Variants in PTPRR observed in about 807,000 individuals in gnomAD.
The protein encoded by PTPRR is protein tyrosine phosphatase receptor type R.
A neutral mutation model predicts 77.2 loss-of-function variants in PTPRR; 38 were observed. The observed-to-expected ratio is 0.49, with a 90% CI of 0.38 to 0.65. The LOEUF (loss-of-function observed/expected upper bound fraction) is 0.65. Ranked by LOEUF, PTPRR falls within the 30% of genes least tolerant of loss-of-function variation. The pLI is 0.00. For synonymous variants in PTPRR, 299 were observed against 283.1 expected, an observed-to-expected ratio of 1.06 and a Z score of -0.57; for missense variants, 744 against 799.2, an observed-to-expected ratio of 0.93 and a Z score of 0.83.
chr12:70,712,843 T>C (rs933495707), intron 6 of PTPRR, among the ~76,000 whole-genome samples: 19 of 152,072 alleles, frequency 1.2e-4, no homozygotes, highest in Admixed American at 3.3e-4. Flanking sequence ...ATATTTATGA[T>C]AGAAAACTAA....
At chr12:70,855,471 A>G (rs113357693) in intron 2 of PTPRR, among the ~76,000 whole-genome samples, 2 of 152,132 alleles carry the variant, frequency 1.3e-5, no homozygotes, top group African/African-American at 4.8e-5. Flanking sequence ...CAAGAGCAGC[A>G]TTGTAGGAAT....
intron 2 of PTPRR, among the ~76,000 whole-genome samples, chr12:70,855,365 C>T (rs1356422149): frequency 6.6e-6 from 1 of 152,106 alleles, no homozygotes; most frequent in Admixed American, 6.6e-5. Context: ...CTGGCAGCTC[C>T]AGCCTCAGCT....
In PTPRR at chr12:70,877,825, C is replaced by A. The variant is rs370397901; in HGVS notation, c.357+14854G>T. 4.4e-3 allele frequency among the ~76,000 whole-genome samples: 671 copies of A among 152,254 alleles called. 3 individuals carry two copies. The highest frequency in any genetic ancestry group is 0.02 in the East Asian group (103 of 5,176). On this transcript the variant is annotated intron_variant, in intron 2 of 13. Transcript: ENST00000283228. ...TAAGCCAAAAGAACAAAGCTGGAGG[C>A]ATCACACTACCTGACTTCAAACTAT...
At chr12:70,815,556 T>C (rs576344146) in intron 2 of PTPRR, among the ~76,000 whole-genome samples, 1 of 152,284 alleles carries the variant, frequency 6.6e-6, no homozygotes, top group East Asian at 1.9e-4. Context: ...TAATTGAGTT[T>C]ACCGTTAATA....
intron 13 of PTPRR, among the ~76,000 whole-genome samples, chr12:70,652,095 C>T (rs1387267826): frequency 6.6e-5 from 10 of 152,088 alleles, no homozygotes; most frequent in East Asian, 1.9e-4. Flanking sequence ...CCAGGAAAAT[C>T]GGAATTTGGG....
intron 2 of PTPRR, among the ~76,000 whole-genome samples, chr12:70,820,127 T>C (rs1057039284): frequency 3.9e-5 from 6 of 152,218 alleles, no homozygotes; most frequent in African/African-American, 1.4e-4. Context: ...TGAGTTTATT[T>C]ATGCATACAT....
At chr12:70,750,427 A>G (rs1013633886) in intron 5 of PTPRR, among the ~76,000 whole-genome samples, 9 of 152,206 alleles carry the variant, frequency 5.9e-5, no homozygotes, top group Non-Finnish European at 1.2e-4. Context: ...TATGGGAAAC[A>G]GAGTTGGAAT....
intron 6 of PTPRR, among the ~76,000 whole-genome samples, chr12:70,711,380 G>T (rs1479503208): frequency 1.3e-5 from 2 of 152,218 alleles, no homozygotes; most frequent in South Asian, 2.1e-4. Context: ...ACACACACTG[G>T]AGCCTATTGG....
chr12:70,740,923 T>C (rs948593089), intron 6 of PTPRR, among the ~76,000 whole-genome samples: 2 of 152,148 alleles, frequency 1.3e-5, no homozygotes, highest in Non-Finnish European at 2.9e-5. Flanking sequence ...AATTAAATTT[T>C]AAGGCTTAAA....
At chr12:70,713,242 T>C (rs1483952728) in intron 6 of PTPRR, among the ~76,000 whole-genome samples, 1 of 152,212 alleles carries the variant, frequency 6.6e-6, no homozygotes, top group Non-Finnish European at 1.5e-5. Context: ...TTCCTTTTCA[T>C]GGCACAATAT....
At chr12:70,785,018 G>T (rs1212639577) in intron 2 of PTPRR, among the ~76,000 whole-genome samples, 1 of 152,114 alleles carries the variant, frequency 6.6e-6, no homozygotes, top group Non-Finnish European at 1.5e-5. Flanking sequence ...TTTCTGGAGA[G>T]AATATATATA....
intron 4 of PTPRR, among the ~76,000 whole-genome samples, chr12:70,757,721 T>C (rs183031316): frequency 6.6e-6 from 1 of 152,296 alleles, no homozygotes; most frequent in Non-Finnish European, 1.5e-5. Context: ...TCATTCACGA[T>C]GTTCTATAAT....
At chr12:70,669,587 C>T (rs1566056573) in intron 10 of PTPRR, among the ~76,000 whole-genome samples, 1 of 150,798 alleles carries the variant, frequency 6.6e-6, no homozygotes, top group East Asian at 1.9e-4. Context: ...CACACACACA[C>T]AAGCTTGCAC....
chr12:70,667,013 T>C (rs1352122910), intron 10 of PTPRR, among the ~76,000 whole-genome samples: 1 of 130,618 alleles, frequency 7.7e-6, no homozygotes, highest in Non-Finnish European at 1.6e-5. Flanking sequence ...TGGAGTGCAG[T>C]GGCACGATCT....
chr12:70,844,842 T>C (rs1478200211), intron 2 of PTPRR, among the ~76,000 whole-genome samples: 2 of 152,210 alleles, frequency 1.3e-5, no homozygotes, highest in African/African-American at 4.8e-5. Context: ...CTAGATATCA[T>C]ATGAAAATAC....
intron 2 of PTPRR, among the ~76,000 whole-genome samples, chr12:70,787,257 G>A (rs1891341914): frequency 6.6e-6 from 1 of 152,112 alleles, no homozygotes; most frequent in Non-Finnish European, 1.5e-5. Context: ...ACTGTTAGAA[G>A]TATATATATT....
intron 13 of PTPRR, among the ~76,000 whole-genome samples, chr12:70,656,267 T>C (rs1057102832): frequency 1.3e-5 from 2 of 152,044 alleles, no homozygotes; most frequent in Admixed American, 6.5e-5. Context: ...TGGTGGCTCA[T>C]GCCTGTAATC....
At chr12:70,754,713 T>G (rs1157993548) in intron 4 of PTPRR, 2 of 1,590,122 alleles carry the variant, frequency 1.3e-6, no homozygotes, top group Non-Finnish European at 1.7e-6. Context: ...ACCTCTTTAC[T>G]TTTAAACAAA....
intron 2 of PTPRR, among the ~76,000 whole-genome samples, chr12:70,862,812 C>CA (rs1892776723): frequency 6.6e-6 from 1 of 151,904 alleles, no homozygotes; most frequent in Non-Finnish European, 1.5e-5. Flanking sequence ...GAAATTAAAT[C>CA]AATAATTCCA....
Sources: gnomAD v4.1 joint callset for allele counts (sites outside exome capture counted in the v4.1 genomes callset) on GRCh38, gnomAD v4.1.1 for gene constraint, MANE v1.5 for transcripts, NCBI Gene and HGNC (gene_info 2026-07-23, HGNC 2026-07-21) for gene names.